The following ECSCR variants were observed in gnomAD, a reference collection of about 807,000 sequenced individuals.
ECSCR encodes the protein endothelial cell surface expressed chemotaxis and apoptosis regulator, also known as endothelial cell-specific chemotaxis regulator.
In ECSCR, 12 loss-of-function variants were observed where a neutral mutation model predicts 16.7. The ratio of observed to expected loss-of-function variants is 0.72; its 90% CI spans 0.46 to 1.17. The LOEUF (loss-of-function observed/expected upper bound fraction) is 1.17, where lower values mean the gene tolerates loss of function less well. ECSCR is among the 50% of genes most tolerant of loss of function. ECSCR has a pLI of 0.00. For missense variants in ECSCR, 122 were observed against 116.1 expected, an observed-to-expected ratio of 1.05 and a Z score of -0.23; for synonymous variants, 44 against 42.2, an observed-to-expected ratio of 1.04 and a Z score of -0.17.
At chr5:139,456,978 G>A (rs1336782424) in intron 4 of ECSCR, among the ~76,000 whole-genome samples, 2 of 152,332 alleles carry the variant, frequency 1.3e-5, no homozygotes, top group East Asian at 1.9e-4. Context: ...GCCCATCCAC[G>A]GTGCCTGCCC....
At chr5:139,461,868 T>C (rs1488161040) in intron 1 of ECSCR, among the ~76,000 whole-genome samples, 1 of 151,924 alleles carries the variant, frequency 6.6e-6, no homozygotes, top group Non-Finnish European at 1.5e-5. Flanking sequence ...GCAGGAATGG[T>C]CAAAGGGAAG....
intron 1 of ECSCR, among the ~76,000 whole-genome samples, chr5:139,460,698 GTC>G (rs2152090297): frequency 6.6e-6 from 1 of 152,218 alleles, no homozygotes; most frequent in African/African-American, 2.4e-5. Context: ...AGCCGAGGGT[GTC>G]TCTGACCACT....
intron 1 of ECSCR, among the ~76,000 whole-genome samples, chr5:139,462,191 C>T (rs1027740134): frequency 2.0e-5 from 3 of 152,178 alleles, no homozygotes; most frequent in African/African-American, 4.8e-5. Flanking sequence ...AACAGATCCC[C>T]TGTGAAGCCC....
intron 8 of ECSCR, among the ~76,000 whole-genome samples, chr5:139,452,483 A>AT (rs2152088556): frequency 9.1e-5 from 1 of 11,016 alleles, no homozygotes; most frequent in African/African-American, 3.6e-4. Flanking sequence ...TGGGGTGTGG[A>AT]GTGTGTGGTG....
chr5:139,459,868 A>G (rs1334674504), intron 1 of ECSCR, among the ~76,000 whole-genome samples: 4 of 152,240 alleles, frequency 2.6e-5, no homozygotes, highest in Non-Finnish European at 5.9e-5. Context: ...CCATGGGGCT[A>G]TCATCTGGAT....
chr5:139,462,720 C>T lies in ECSCR; in HGVS notation c.-50G>A, dbSNP rs1751340290. ...GCAGCAGCTCAGTGGAGGCTCTGTCCATAGTGGAGAAGAGAGAGGGAGTGC... is the reference window on the plus strand; with the variant it reads ...GCAGCAGCTCAGTGGAGGCTCTGTCTATAGTGGAGAAGAGAGAGGGAGTGC... On this transcript the variant is annotated 5_prime_UTR_variant, in exon 1 of 10. It removes an upstream start codon present in the reference 5' UTR. Coordinates refer to ENST00000618155, the MANE Select transcript of ECSCR (RefSeq NM_001077693.4). 2 of 858,378 alleles carry T rather than the reference C, an allele frequency of 2.3e-6. No individual in the cohort carries two copies. Among genetic ancestry groups the T allele is most frequent in the Non-Finnish European group, 3.4e-6 (2 of 589,334 alleles). 53.2% of individuals were successfully genotyped at this position (858,378 alleles called of 1,614,324 possible). A position where few individuals can be genotyped will look rare whatever the true frequency, so the allele number is the denominator to read the frequency against.
intron 8 of ECSCR, among the ~76,000 whole-genome samples, chr5:139,449,777 T>G (rs1332482660): frequency 6.6e-6 from 1 of 152,034 alleles, no homozygotes; most frequent in Non-Finnish European, 1.5e-5. Context: ...ACTGGAGTGC[T>G]GTGGCACGAT....
At chr5:139,452,365 T>C (rs1158864943) in intron 8 of ECSCR, among the ~76,000 whole-genome samples, 2 of 149,808 alleles carry the variant, frequency 1.3e-5, no homozygotes, top group African/African-American at 2.5e-5. Flanking sequence ...GTGGTGTGTG[T>C]GATGTGAGGC....
At position 139,453,804 on chromosome 5, in the gene ECSCR, G is replaced by A. The variant is rs1243589421; in HGVS notation, c.512+798C>T. Among the ~76,000 whole-genome samples, 3 of 84,192 alleles carry A rather than the reference G, an allele frequency of 3.6e-5. No homozygotes were observed. The East Asian group carries it at 1.0e-3, about 29-fold the overall frequency. 55.2% of individuals were successfully genotyped at this position (84,192 alleles called of 152,430 possible). A position where few individuals can be genotyped will look rare whatever the true frequency, so the allele number is the denominator to read the frequency against. On this transcript the variant is annotated intron_variant, in intron 8 of 9. Transcript: ENST00000618155. Reference sequence around the variant, plus strand: ...GTGTATAGTACAGGGTGTGTGTGGTGTGTGATGTGTGGGGGATGTGTGGTG... The same window carrying A: ...GTGTATAGTACAGGGTGTGTGTGGTATGTGATGTGTGGGGGATGTGTGGTG...
Position 139,449,139 on chromosome 5 carries a change from G to T in ECSCR, c.548C>A (p.Thr183Asn), listed in dbSNP as rs1340712398. The T allele has an allele frequency of 6.5e-7, 1 of 1,537,220 alleles. No homozygotes were observed. The highest frequency in any genetic ancestry group is 2.0e-5 in the Admixed American group (1 of 50,986). Reference protein sequence around the residue: ...STANGEKDSITLISMKNINMN... With the variant: ...STANGEKDSINLISMKNINMN... ...GTTGATGTTCTTCATGGAGATAAGG[G>T]TGATGCTGTCTTTCTCTCCATTGGC... The change falls in exon 9 of 10, where the codon ACC (threonine) becomes AAC (asparagine). Residue 183 changes from threonine (T) to asparagine (N), a missense_variant. Transcript: ENST00000618155.
intron 1 of ECSCR, among the ~76,000 whole-genome samples, chr5:139,459,462 C>T (rs188004128): frequency 5.9e-5 from 9 of 152,184 alleles, no homozygotes; most frequent in Non-Finnish European, 1.2e-4. Flanking sequence ...ATCAGAAGCC[C>T]TCACTGGCTT....
chr5:139,458,902 C>A (rs1024106238), intron 1 of ECSCR, among the ~76,000 whole-genome samples: 1 of 151,668 alleles, frequency 6.6e-6, no homozygotes, highest in Non-Finnish European at 1.5e-5. Context: ...TCTAAGCCTA[C>A]CATGCTGGAA....
At chr5:139,452,273 GT>G (rs1581433305) in intron 8 of ECSCR, among the ~76,000 whole-genome samples, 341 of 27,044 alleles carry the variant, frequency 0.013, no homozygotes, top group Middle Eastern at 0.058. Context: ...TGTGTATAGT[GT>G]GGGGTGTGGG....
rs138854672 is a variant in ECSCR at position 139,462,594 on chromosome 5, G to A, written c.61+16C>T. 4,654 of 1,591,116 alleles carry A rather than the reference G, an allele frequency of 2.9e-3. 17 individuals carry two copies. Among genetic ancestry groups the A allele is most frequent in the Middle Eastern group, 9.9e-3 (60 of 6,042 alleles). Reference sequence around the variant, plus strand: ...CGGAGAGGAATTGCCATGGGAAAGCGGCAGGCACCTCTTACCTCGGAACAG... The same window carrying A: ...CGGAGAGGAATTGCCATGGGAAAGCAGCAGGCACCTCTTACCTCGGAACAG... On this transcript the variant is annotated intron_variant, in intron 1 of 9. Transcript: ENST00000618155.
chr5:139,458,777 T>C (rs1183777007), intron 1 of ECSCR, among the ~76,000 whole-genome samples: 4 of 141,052 alleles, frequency 2.8e-5, no homozygotes, highest in East Asian at 4.2e-4. Flanking sequence ...ACCCGGGAGG[T>C]AGAGGTTGCA....
rs1751048066 is a variant in ECSCR, at chr5:139,451,521, T to C, written c.513-2347A>G. ...GGGTGTGTGGTGTGAGTGTGTATAG[T>C]ATGAAGTGTGTGGTGTGTGTGTAGT... On this transcript the variant is annotated intron_variant, in intron 8 of 9. Transcript: ENST00000618155. Among the ~76,000 whole-genome samples the C allele has an allele frequency of 2.1e-5, 3 of 141,418 alleles. No homozygotes were observed. The South Asian group carries it at 7.0e-4, about 33-fold the overall frequency. 92.8% of individuals were successfully genotyped at this position (141,418 alleles called of 152,430 possible).
At chr5:139,454,433 G>C (rs1214814321) in intron 8 of ECSCR, among the ~76,000 whole-genome samples, 169 bp downstream of exon 8, 5 of 147,972 alleles carry the variant, frequency 3.4e-5, no homozygotes, top group Admixed American at 6.7e-5. Flanking sequence ...TGTGTGTAGT[G>C]AGGTGTAGGG....
intron 8 of ECSCR, among the ~76,000 whole-genome samples, chr5:139,449,907 T>TC (rs1252014738): frequency 1.3e-5 from 2 of 150,124 alleles, no homozygotes; most frequent in East Asian, 2.0e-4. Flanking sequence ...TTTTTTTTTT[T>TC]CCCCTTGAAA....
chr5:139,462,199 C>A (rs1482192294), intron 1 of ECSCR, among the ~76,000 whole-genome samples: 3 of 152,178 alleles, frequency 2.0e-5, no homozygotes, highest in Non-Finnish European at 4.4e-5. Context: ...CCCTGTGAAG[C>A]CCATGGTGCA....
Sources: allele counts gnomAD v4.1 joint callset (sites outside exome capture counted in the v4.1 genomes callset), GRCh38; gene constraint gnomAD v4.1.1; transcripts MANE v1.5; gene names NCBI Gene and HGNC (gene_info 2026-07-23, HGNC 2026-07-21).